TTC7A: variants seen among roughly 807,000 people sequenced by gnomAD.
TTC7A encodes the protein tetratricopeptide repeat protein 7A.
In TTC7A, 110 loss-of-function variants were observed where a neutral mutation model predicts 103.7. The observed-to-expected ratio is 1.06, with a 90% confidence interval of 0.91 to 1.24. The LOEUF is 1.24. Among genes scored for constraint, TTC7A ranks in the 50% most tolerant of loss-of-function variants. TTC7A has a pLI of 0.00. For missense variants in TTC7A, 1,340 were observed against 1,116.3 expected (o/e 1.20, Z -2.86); for synonymous variants, 521 against 467.9 (o/e 1.11, Z -1.47).
At chr2:47,004,171 T>G (rs984130350) in intron 8 of TTC7A, among the ~76,000 whole-genome samples, 7 of 152,140 alleles carry the variant, frequency 4.6e-5, no homozygotes, top group African/African-American at 1.7e-4. Context: ...GCCATCTAAG[T>G]CCATGGGGGC....
chr2:47,033,691 G>C (rs1183361997), intron 15 of TTC7A, among the ~76,000 whole-genome samples: 1 of 152,210 alleles, frequency 6.6e-6, no homozygotes, highest in African/African-American at 2.4e-5. Flanking sequence ...CCTGGCTTGG[G>C]AGGTTTATTG....
chr2:47,035,998 G>A (rs1358718645), intron 15 of TTC7A, among the ~76,000 whole-genome samples: 1 of 152,206 alleles, frequency 6.6e-6, no homozygotes, highest in Non-Finnish European at 1.5e-5. Context: ...GAACCTAAGC[G>A]TCTTCTTTTG....
In TTC7A at chr2:47,029,266, C is replaced by T. The variant is rs145006355; in HGVS notation, c.1684C>T (p.Arg562Cys). 44 of 1,613,990 alleles carry T rather than the reference C, an allele frequency of 2.7e-5. No individual in the cohort carries two copies. Among genetic ancestry groups the T allele is most frequent in the African/African-American group, 2.0e-4 (15 of 75,050 alleles). Residue 562 changes from arginine (R) to cysteine (C), a missense_variant, in exon 15 of 20, where the codon CGC becomes TGC. Physicochemically the swap from Arg to Cys is radical, Grantham distance 180. Transcript: ENST00000319190. ...MEQLQEALKV[R>C]KDDAHALHLL... ...GCAGCTGCAGGAGGCCCTGAAGGTA[C>T]GCAAGGATGATGCCCACGCCCTCCA...
chr2:47,064,978 C>T (rs556113017), intron 19 of TTC7A, among the ~76,000 whole-genome samples: 3 of 152,270 alleles, frequency 2.0e-5, no homozygotes, highest in South Asian at 2.1e-4. Flanking sequence ...TCAGGGAAAA[C>T]GAGAAAAGCT....
chr2:46,986,744 G>A (rs1675055076), intron 5 of TTC7A, among the ~76,000 whole-genome samples: 1 of 152,214 alleles, frequency 6.6e-6, no homozygotes, highest in Admixed American at 6.5e-5. Context: ...CTGAGAACAG[G>A]GTGGGGCCAG....
intron 8 of TTC7A, among the ~76,000 whole-genome samples, chr2:47,001,684 C>T (rs1306662885): frequency 6.6e-6 from 1 of 152,008 alleles, no homozygotes; most frequent in Non-Finnish European, 1.5e-5. Flanking sequence ...TGGTGAAGCC[C>T]CGTCTCTACT....
intron 2 of TTC7A, among the ~76,000 whole-genome samples, chr2:46,927,426 G>A (rs1416282868): frequency 6.8e-6 from 1 of 148,128 alleles, no homozygotes; most frequent in East Asian, 2.0e-4. Context: ...GCGTGATCTC[G>A]GCTCACTGCA....
intron 3 of TTC7A, among the ~76,000 whole-genome samples, chr2:46,961,467 C>T (rs1435642341): frequency 6.6e-6 from 1 of 151,796 alleles, no homozygotes; most frequent in Non-Finnish European, 1.5e-5. Context: ...GTCCCAGCTA[C>T]TCAGGAGGCT....
chr2:46,920,275 T>C (rs1669031767), intron 2 of TTC7A, among the ~76,000 whole-genome samples: 1 of 152,196 alleles, frequency 6.6e-6, no homozygotes, highest in Admixed American at 6.5e-5. Flanking sequence ...CTCATCATGT[T>C]GTTGTTGTTT....
In TTC7A at chr2:46,941,536, G is replaced by A. The variant is rs772781041; in HGVS notation, c.-6G>A. 2 of 1,552,382 alleles carry A rather than the reference G, an allele frequency of 1.3e-6. No homozygotes were observed. The highest frequency in any genetic ancestry group is 1.7e-6 in the Non-Finnish European group (2 of 1,148,264). On this transcript the variant is annotated 5_prime_UTR_variant, in exon 1 of 20. Transcript: ENST00000319190. The surrounding 1 kb of genome is among the most constrained non-coding windows in gnomAD (Gnocchi z 4.2). ...CCGCACCTTCCATGACAGCGCCCGC[G>A]AGAAGATGGCTGCGAAGGGCGCGCA... is the stretch of plus-strand genomic sequence containing the variant.
chr2:47,038,196 T>C (rs1012828855), intron 15 of TTC7A, among the ~76,000 whole-genome samples: 1 of 148,862 alleles, frequency 6.7e-6, no homozygotes, highest in African/African-American at 2.5e-5. Context: ...GAGGTGGAGG[T>C]TGCAGTGAGC....
chr2:46,995,257 T>G (rs1397519635), intron 8 of TTC7A, 58 bp downstream of exon 8: 6 of 1,582,976 alleles, frequency 3.8e-6, no homozygotes, highest in Non-Finnish European at 5.2e-6. Context: ...GGGGAAGGGC[T>G]GTGGGGCCCA....
chr2:47,017,813 A>T (rs969795454), intron 11 of TTC7A, among the ~76,000 whole-genome samples: 1 of 152,124 alleles, frequency 6.6e-6, no homozygotes, highest in Non-Finnish European at 1.5e-5. Flanking sequence ...GCCACTTCCC[A>T]ATTTGTCATG....
At chr2:47,066,054 C>G (rs1022449201) in intron 19 of TTC7A, 1 of 152,212 alleles carries the variant, frequency 6.6e-6, no homozygotes, top group Non-Finnish European at 1.5e-5. Flanking sequence ...TCTGCATGAG[C>G]TTTGGCTAAT....
intron 19 of TTC7A, 134 bp downstream of exon 19, chr2:47,061,105 G>C: frequency 1.1e-6 from 1 of 936,706 alleles, no homozygotes; most frequent in Admixed American, 2.7e-5. Context: ...GTGTCTAGGG[G>C]AGGGGGCTTC....
upstream of TTC7A, among the ~76,000 whole-genome samples, chr2:46,937,699 A>G (rs375829982): frequency 3.3e-5 from 5 of 152,242 alleles, no homozygotes; most frequent in African/African-American, 2.4e-5. This position sits in a 1 kb window ranked among gnomAD's most constrained non-coding sequence, Gnocchi z 4.0. Context: ...CCTTCTCCCA[A>G]AGTGTTAGGA....
intron 8 of TTC7A, chr2:46,999,460 C>G (rs183556230): frequency 1.0e-6 from 1 of 984,924 alleles, no homozygotes; most frequent in African/African-American, 1.7e-5. Flanking sequence ...TATCCACCCA[C>G]CATGTATCCA....
In TTC7A at chr2:47,075,518, T is replaced by C. The variant is rs147228170; in HGVS notation, c.*1595T>C. 14 of 152,336 alleles carry C rather than the reference T, an allele frequency of 9.2e-5. No individual in the cohort carries two copies. The highest frequency in any genetic ancestry group is 3.1e-4 in the African/African-American group (13 of 41,578). The allele number at this position is 152,336 out of a possible 1,614,324, so 9.4% of individuals were successfully genotyped here. A position where few individuals can be genotyped will look rare whatever the true frequency, so the allele number is the denominator to read the frequency against. On this transcript the variant is annotated 3_prime_UTR_variant, in exon 20 of 20. Transcript: ENST00000319190. Reference sequence around the variant, plus strand: ...GCCAGGCCAAGTTGCTGACAGTGACTTTGCAGGTTGAATAAAGAAACCCTT... The same window carrying C: ...GCCAGGCCAAGTTGCTGACAGTGACCTTGCAGGTTGAATAAAGAAACCCTT...
In TTC7A at chr2:47,021,994, C is replaced by G. The variant is rs989058809; in HGVS notation, c.1510+15C>G. ...GGCCACCGACGGTGAGTGCCAGGCC[C>G]CAGGAGGCCTCTACTTGGGGATGGC... On this transcript the variant is annotated intron_variant, in intron 12 of 19. Coordinates refer to ENST00000319190, the MANE Select transcript of TTC7A (RefSeq NM_020458.4). The G allele has an allele frequency of 6.3e-7, 1 of 1,586,188 alleles. No individual in the cohort carries two copies. Among genetic ancestry groups the G allele is most frequent in the African/African-American group, 1.3e-5 (1 of 74,378 alleles).
Sources: allele counts gnomAD v4.1 joint callset (sites outside exome capture counted in the v4.1 genomes callset), GRCh38; gene constraint gnomAD v4.1.1; non-coding constraint Gnocchi (gnomAD v3.1); transcripts MANE v1.5; gene names NCBI Gene and HGNC (gene_info 2026-07-23, HGNC 2026-07-21).